The following DGKH variants were observed in gnomAD, a reference collection of about 807,000 sequenced individuals.
DGKH encodes diacylglycerol kinase eta.
In DGKH, 90 loss-of-function variants were observed where a neutral mutation model predicts 159.3. The observed-to-expected ratio is 0.57, with a 90% CI of 0.48 to 0.67. The LOEUF (loss-of-function observed/expected upper bound fraction) is 0.67, where lower values mean the gene tolerates loss of function less well. Ranked by LOEUF, DGKH falls within the 30% of genes least tolerant of loss-of-function variation. DGKH has a pLI of 0.00. For synonymous variants in DGKH, 536 were observed against 553.8 expected, an observed-to-expected ratio of 0.97 and a Z score of 0.45; for missense variants, 1,181 against 1,506.1, an observed-to-expected ratio of 0.78 and a Z score of 3.57.
chr13:42,076,641 CTTGTGACCATAATGT>C (rs951571253), intron 1 of DGKH, among the ~76,000 whole-genome samples: 6 of 152,042 alleles, frequency 3.9e-5, no homozygotes, highest in Admixed American at 3.9e-4. Context: ...GTTTCTATGT[CTTGTGACCATAATGT>C]TTTAACATAT....
chr13:42,109,809 T>C (rs564198686), intron 1 of DGKH, among the ~76,000 whole-genome samples: 2 of 152,314 alleles, frequency 1.3e-5, no homozygotes, highest in Non-Finnish European at 2.9e-5. Context: ...TTGATTCTCT[T>C]CATTTCTGTG....
chr13:42,249,369 C>A (rs530718504), intron 29 of DGKH, among the ~76,000 whole-genome samples: 21 of 152,298 alleles, frequency 1.4e-4, no homozygotes, highest in Admixed American at 7.2e-4. Flanking sequence ...CAAGATCATG[C>A]CACTGCACTC....
intron 1 of DGKH, among the ~76,000 whole-genome samples, chr13:42,041,923 T>C (rs1880533142): frequency 6.6e-6 from 1 of 152,346 alleles, no homozygotes; most frequent in South Asian, 2.1e-4. Context: ...CCTCTGCCTG[T>C]TGAGAGCCGC....
chr13:42,206,490 A>G (rs112338645), intron 21 of DGKH, among the ~76,000 whole-genome samples: 3 of 152,364 alleles, frequency 2.0e-5, no homozygotes, highest in African/African-American at 7.2e-5. Context: ...TCTGTTTTCT[A>G]TCGCTGCTAT....
At chr13:42,214,865 C>T (rs1236201583) in intron 25 of DGKH, among the ~76,000 whole-genome samples, 1 of 151,978 alleles carries the variant, frequency 6.6e-6, no homozygotes, top group Non-Finnish European at 1.5e-5. Context: ...GTCTTCACTT[C>T]TTTCTTTTTT....
At chr13:42,219,028 A>G (rs1352496750) in intron 26 of DGKH, among the ~76,000 whole-genome samples, 1 of 152,230 alleles carries the variant, frequency 6.6e-6, no homozygotes, top group Non-Finnish European at 1.5e-5. Context: ...TTGGGAAGTA[A>G]TGATTAGATT....
At chr13:42,060,957 C>T (rs1882110469) in intron 1 of DGKH, among the ~76,000 whole-genome samples, 1 of 152,122 alleles carries the variant, frequency 6.6e-6, no homozygotes, top group Admixed American at 6.5e-5. Context: ...GGTTCATTGT[C>T]ACACTCCAGG....
intron 13 of DGKH, among the ~76,000 whole-genome samples, chr13:42,179,367 A>C (rs1956688721): frequency 6.6e-6 from 1 of 152,274 alleles, no homozygotes; most frequent in African/African-American, 2.4e-5. Flanking sequence ...TGTAACTGTC[A>C]TCTGTAACTT....
intron 13 of DGKH, among the ~76,000 whole-genome samples, chr13:42,186,007 GGTGGTGTGTGT>G (rs1350509573): frequency 1.3e-3 from 122 of 91,252 alleles, no homozygotes; most frequent in Admixed American, 4.4e-3. Context: ...TGGTGGTGGT[GGTGGTGTGTGT>G]GTGTGTGTGT....
At chr13:42,052,896 T>C (rs1391433820) in intron 1 of DGKH, among the ~76,000 whole-genome samples, 1 of 152,258 alleles carries the variant, frequency 6.6e-6, no homozygotes, top group South Asian at 2.1e-4. Context: ...GTGTCAAAAA[T>C]ACTCCTGATG....
intron 1 of DGKH, among the ~76,000 whole-genome samples, chr13:42,064,469 G>A (rs569480028): frequency 5.9e-5 from 9 of 152,168 alleles, no homozygotes; most frequent in Non-Finnish European, 1.3e-4. Context: ...CCACTGTTGC[G>A]GTTTGTCTGT....
intron 3 of DGKH, among the ~76,000 whole-genome samples, chr13:42,131,520 G>A (rs1047866312): frequency 6.6e-6 from 1 of 152,164 alleles, no homozygotes; most frequent in African/African-American, 2.4e-5. Context: ...CATTGAAATT[G>A]AAGGATAAGG....
intron 1 of DGKH, among the ~76,000 whole-genome samples, chr13:42,088,634 G>A (rs142192806): frequency 6.6e-6 from 1 of 151,914 alleles, no homozygotes; most frequent in African/African-American, 2.4e-5. Context: ...AAAAAAAAGA[G>A]CATGAGTAAT....
At chr13:42,190,606 GAAA>G in intron 16 of DGKH, 81 bp downstream of exon 16, 2 of 1,346,042 alleles carry the variant, frequency 1.5e-6, no homozygotes, top group Non-Finnish European at 2.0e-6. Context: ...TGATCAGTTT[GAAA>G]AAAACTATTT....
chr13:42,169,979 T>C (rs979712932), intron 11 of DGKH, among the ~76,000 whole-genome samples: 1 of 152,228 alleles, frequency 6.6e-6, no homozygotes, highest in Admixed American at 6.5e-5. Flanking sequence ...GTTGTATATA[T>C]ATCCAAACAT....
At chr13:42,198,421 T>G in intron 17 of DGKH, 57 bp from the exon 18 acceptor site, 1 of 1,496,070 alleles carries the variant, frequency 6.7e-7, no homozygotes, top group Non-Finnish European at 9.2e-7. Flanking sequence ...GATGGACTGG[T>G]TCTTTCTGTG....
chr13:42,151,393 G>A (rs1438873949), intron 3 of DGKH, among the ~76,000 whole-genome samples: 1 of 150,960 alleles, frequency 6.6e-6, no homozygotes, highest in African/African-American at 2.4e-5. Flanking sequence ...GAGTTATTTC[G>A]CTGAAGATTA....
intron 5 of DGKH, 75 bp downstream of exon 5, chr13:42,155,874 A>G: frequency 1.3e-6 from 2 of 1,569,576 alleles, no homozygotes; most frequent in Admixed American, 1.7e-5. Context: ...GTTTTATTGT[A>G]GCTTAAAATT....
At chr13:42,173,789 A>G (rs1467006798) in intron 11 of DGKH, among the ~76,000 whole-genome samples, 1 of 152,208 alleles carries the variant, frequency 6.6e-6, no homozygotes, top group Non-Finnish European at 1.5e-5. Context: ...ATTGTGGGCT[A>G]TGGGTCTTAA....
Sources: gnomAD v4.1 joint callset for allele counts (sites outside exome capture counted in the v4.1 genomes callset) on GRCh38, gnomAD v4.1.1 for gene constraint, MANE v1.5 for transcripts, NCBI Gene and HGNC (gene_info 2026-07-23, HGNC 2026-07-21) for gene names.